Variants in HS3ST5 observed in about 807,000 individuals in gnomAD.
HS3ST5 encodes heparan sulfate-glucosamine 3-sulfotransferase 5.
A neutral mutation model predicts 25.4 loss-of-function variants in HS3ST5; 10 were observed. That is an observed-to-expected ratio of 0.39 (90% CI 0.24 to 0.67). The LOEUF (loss-of-function observed/expected upper bound fraction) is 0.67, where lower values mean the gene tolerates loss of function less well. HS3ST5 is among the 30% of genes least tolerant of loss of function. HS3ST5 has a pLI of 0.44. For missense variants in HS3ST5, 324 were observed against 420.7 expected (o/e 0.77, Z 2.01); for synonymous variants, 170 against 162.4 (o/e 1.05, Z -0.36).
chr6:114,247,962 G>A (rs1394301785), intron 1 of HS3ST5, among the ~76,000 whole-genome samples: 1 of 151,736 alleles, frequency 6.6e-6, no homozygotes, highest in Non-Finnish European at 1.5e-5. Context: ...CACTTTGGGA[G>A]GCTGAGGCAG....
At chr6:114,103,379 A>G (rs1775825849) in intron 3 of HS3ST5, among the ~76,000 whole-genome samples, 1 of 152,022 alleles carries the variant, frequency 6.6e-6, no homozygotes, top group Non-Finnish European at 1.5e-5. Flanking sequence ...GATTTTATGA[A>G]TATTATGTTT....
chr6:114,121,752 GTTA>G (rs1033271895), intron 3 of HS3ST5, among the ~76,000 whole-genome samples: 58 of 152,024 alleles, frequency 3.8e-4, no homozygotes, highest in African/African-American at 1.3e-3. Flanking sequence ...CCAATATTTT[GTTA>G]TTATCACATC....
intron 3 of HS3ST5, among the ~76,000 whole-genome samples, chr6:114,078,752 C>T (rs1485423286): frequency 6.6e-6 from 1 of 152,054 alleles, no homozygotes; most frequent in Non-Finnish European, 1.5e-5. Context: ...TAAATTCATC[C>T]CCTTTCTATG....
chr6:114,221,651 A>T (rs1171033497), intron 2 of HS3ST5, among the ~76,000 whole-genome samples: 2 of 150,960 alleles, frequency 1.3e-5, no homozygotes, highest in African/African-American at 4.9e-5. Context: ...TTAAAAATAT[A>T]TATTCAAATG....
At chr6:114,081,924 G>T (rs1232889416) in intron 3 of HS3ST5, among the ~76,000 whole-genome samples, 2 of 152,006 alleles carry the variant, frequency 1.3e-5, no homozygotes. Context: ...TATATTCACA[G>T]TATTGTGCAA....
intron 3 of HS3ST5, among the ~76,000 whole-genome samples, chr6:114,102,425 C>G (rs1462056341): frequency 1.3e-5 from 2 of 152,114 alleles, no homozygotes; most frequent in Non-Finnish European, 2.9e-5. Context: ...CTACTTTCCC[C>G]CATCTGGAGC....
At chr6:114,338,259 CATAAAT>C (rs982684739) in intron 1 of HS3ST5, among the ~76,000 whole-genome samples, 4 of 151,396 alleles carry the variant, frequency 2.6e-5, no homozygotes, top group African/African-American at 9.7e-5. Flanking sequence ...TAAACAGAAA[CATAAAT>C]ATATACTATT....
At chr6:114,187,929 T>A (rs1780303943) in intron 2 of HS3ST5, among the ~76,000 whole-genome samples, 1 of 152,192 alleles carries the variant, frequency 6.6e-6, no homozygotes, top group South Asian at 2.1e-4. Context: ...TAGGACTCAC[T>A]GAAGGTGCAG....
intron 1 of HS3ST5, among the ~76,000 whole-genome samples, chr6:114,341,251 G>A (rs1776849944): frequency 6.7e-6 from 1 of 150,276 alleles, no homozygotes; most frequent in Admixed American, 6.6e-5. Context: ...GAGAGAGAGA[G>A]AGAGAGAGAG....
At chr6:114,115,784 G>A (rs1444423288) in intron 3 of HS3ST5, among the ~76,000 whole-genome samples, 2 of 152,032 alleles carry the variant, frequency 1.3e-5, no homozygotes, top group East Asian at 3.9e-4. Flanking sequence ...GTAAATGACA[G>A]ATAGAGTTCA....
intron 1 of HS3ST5, chr6:114,251,869 T>G (rs1315256395): frequency 6.6e-6 from 1 of 152,240 alleles, no homozygotes; most frequent in Non-Finnish European, 1.5e-5. Flanking sequence ...AGTAGTCTGA[T>G]GCTAGCCTAA....
chr6:114,317,426 AG>A (rs1775786093), intron 1 of HS3ST5, among the ~76,000 whole-genome samples: 1 of 152,182 alleles, frequency 6.6e-6, no homozygotes, highest in African/African-American at 2.4e-5. Flanking sequence ...CTTAAGAATG[AG>A]GTGCTAACTG....
intron 2 of HS3ST5, among the ~76,000 whole-genome samples, chr6:114,185,407 C>T (rs1250230179): frequency 6.6e-6 from 1 of 152,168 alleles, no homozygotes; most frequent in Admixed American, 6.5e-5. Context: ...GATGACGGAC[C>T]TCACTAAGAA....
chr6:114,084,913 C>G (rs547786324), intron 3 of HS3ST5: 2 of 488,786 alleles, frequency 4.1e-6, no homozygotes, highest in African/African-American at 2.1e-5. Flanking sequence ...CTCACTGCAA[C>G]CTCTGCCTCC....
At chr6:114,292,265 CTG>C (rs980614428) in intron 1 of HS3ST5, among the ~76,000 whole-genome samples, 5 of 152,060 alleles carry the variant, frequency 3.3e-5, no homozygotes, top group African/African-American at 1.2e-4. Flanking sequence ...GTTTTGGAAA[CTG>C]GGAATTTTAG....
chr6:114,220,588 AG>A (rs1781984956), intron 2 of HS3ST5: 2 of 151,990 alleles, frequency 1.3e-5, no homozygotes, highest in Admixed American at 1.3e-4. Flanking sequence ...AAAATAATAC[AG>A]TTGTATTTTA....
chr6:114,115,964 A>T (rs1463423387), intron 3 of HS3ST5, among the ~76,000 whole-genome samples: 1 of 152,116 alleles, frequency 6.6e-6, no homozygotes, highest in Non-Finnish European at 1.5e-5. Context: ...TATAATTCTC[A>T]TTAACAATGA....
At chr6:114,286,762 G>A (rs770743022) in intron 1 of HS3ST5, among the ~76,000 whole-genome samples, 1 of 151,422 alleles carries the variant, frequency 6.6e-6, no homozygotes, top group African/African-American at 2.4e-5. Context: ...AACGAAATAA[G>A]TAATTAATTT....
At chr6:114,328,673 C>T (rs575549773) in intron 1 of HS3ST5, among the ~76,000 whole-genome samples, 2 of 152,212 alleles carry the variant, frequency 1.3e-5, no homozygotes, top group African/African-American at 2.4e-5. Context: ...GCAGTGCTAA[C>T]GCTAAACATG....
Sources: gnomAD v4.1 joint callset for allele counts (sites outside exome capture counted in the v4.1 genomes callset) on GRCh38, gnomAD v4.1.1 for gene constraint, MANE v1.5 for transcripts, NCBI Gene and HGNC (gene_info 2026-07-23, HGNC 2026-07-21) for gene names.